The following EPG5 variants were observed in gnomAD, a reference collection of about 807,000 sequenced individuals.
The protein encoded by EPG5 is ectopic P-granules 5 autophagy tethering factor.
EPG5 carries 159 observed loss-of-function variants against 302.7 expected under a neutral mutation model. The observed-to-expected ratio is 0.53, with a 90% CI of 0.46 to 0.60. The LOEUF (loss-of-function observed/expected upper bound fraction) is 0.60. EPG5 is among the 20% of genes least tolerant of loss of function. EPG5 has a pLI of 0.00. For missense variants in EPG5, 2,896 were observed against 3,092.4 expected (o/e 0.94, Z 1.51); for synonymous variants, 1,158 against 1,136.8 (o/e 1.02, Z -0.37).
Position 45,852,319 on chromosome 18 carries a change from A to G in EPG5, c.*148T>C, listed in dbSNP as rs977820753. 3.0e-6 allele frequency: 2 copies of G among 659,122 alleles called. No homozygotes were observed. The highest frequency in any genetic ancestry group is 5.1e-6 in the Non-Finnish European group (2 of 389,330). 40.8% of individuals were successfully genotyped at this position (659,122 alleles called of 1,614,324 possible). A position where few individuals can be genotyped will look rare whatever the true frequency, so the allele number is the denominator to read the frequency against. The stretch of plus-strand genomic sequence containing the variant: ...CACACACACACCCCAAAATTATCTA[A>G]TATCTAACGCCTCCCAACTTGCATC... On this transcript the variant is annotated 3_prime_UTR_variant, in exon 44 of 44. Coordinates refer to ENST00000282041, the MANE Select transcript of EPG5 (RefSeq NM_020964.3).
At chr18:45,882,891 C>T (rs1049668791) in intron 30 of EPG5, among the ~76,000 whole-genome samples, 4 of 151,762 alleles carry the variant, frequency 2.6e-5, no homozygotes, top group Non-Finnish European at 4.4e-5. Context: ...CCTGTAATCC[C>T]GGCTACTCAG....
Position 45,925,889 on chromosome 18 carries a change from A to G in EPG5, c.2567T>C (p.Leu856Ser). 6.9e-7 allele frequency: 1 copy of G among 1,455,532 alleles called. No individual in the cohort carries two copies. Among genetic ancestry groups the G allele is most frequent in the Non-Finnish European group, 9.1e-7 (1 of 1,100,282 alleles). 90.2% of individuals were successfully genotyped at this position (1,455,532 alleles called of 1,614,324 possible). The change falls in exon 14 of 44, where the codon TTG becomes TCG. Residue 856 changes from leucine (L) to serine (S), a missense_variant. By Grantham distance (145) the Leu-to-Ser change is moderately radical. Around this residue, in one of 5 missense-constraint regions of EPG5, gnomAD observed 1,390 missense variants for 1,430.0 expected, o/e 0.97. Coordinates refer to ENST00000282041, the MANE Select transcript of EPG5 (RefSeq NM_020964.3). ...AAGATACAAAGGCAGTTCTTTAAAC[A>G]AGTATAGAGAAACCTTATTAAAAAG... ...IDQVGMVSLYLFKELPLYLWQ... is the reference protein window; with the variant it reads ...IDQVGMVSLYSFKELPLYLWQ...
chr18:45,821,425 A>C, the EPG5 span, among the ~76,000 whole-genome samples: 1 of 152,258 alleles, frequency 6.6e-6, no homozygotes, highest in Non-Finnish European at 1.5e-5. Context: ...ATTTATCACA[A>C]GGTGCCTAAG....
At chr18:45,873,085 A>T (rs1163411501) in intron 35 of EPG5, among the ~76,000 whole-genome samples, 2 of 152,188 alleles carry the variant, frequency 1.3e-5, no homozygotes, top group Admixed American at 1.3e-4. Flanking sequence ...TACCTTGCAA[A>T]GCTCTCCTGT....
At chr18:45,921,963 TAAAAA>T (rs751461636) in intron 16 of EPG5, among the ~76,000 whole-genome samples, 1 of 113,054 alleles carries the variant, frequency 8.8e-6, no homozygotes, top group African/African-American at 3.2e-5. Context: ...AAGTAAAATT[TAAAAA>T]AAAAAAAAAA....
chr18:45,856,213 A>G (rs1020230189), intron 42 of EPG5, among the ~76,000 whole-genome samples: 1 of 152,280 alleles, frequency 6.6e-6, no homozygotes, highest in Non-Finnish European at 1.5e-5. Flanking sequence ...TTCAGCCATA[A>G]AAACAAACGA....
In EPG5 at chr18:45,883,632, T is replaced by G. The variant is rs1364093699; in HGVS notation, c.5304+985A>C. On this transcript the variant is annotated intron_variant, in intron 30 of 43. Coordinates refer to ENST00000282041, the MANE Select transcript of EPG5 (RefSeq NM_020964.3). ...GCCTGGTGTTTTTTTTTTTTTTTTT[T>G]TTTTTTTTTGTACAGACAGGGTTTC... Among the ~76,000 whole-genome samples the G allele has an allele frequency of 1.3e-3, 182 of 137,864 alleles. 3 individuals carry two copies. Among genetic ancestry groups the G allele is most frequent in the African/African-American group, 5.0e-3 (177 of 35,472 alleles). 90.4% of individuals were successfully genotyped at this position (137,864 alleles called of 152,430 possible).
chr18:45,806,692 G>C, the EPG5 span, among the ~76,000 whole-genome samples: 1 of 152,200 alleles, frequency 6.6e-6, no homozygotes, highest in East Asian at 1.9e-4. Flanking sequence ...TACAGGGGCA[G>C]AGGAAGCAAT....
intron 13 of EPG5, 124 bp downstream of exon 13, chr18:45,928,745 A>G (rs2050331205): frequency 1.2e-6 from 1 of 823,324 alleles, no homozygotes; most frequent in Non-Finnish European, 1.8e-6. Flanking sequence ...AGTAAATGTT[A>G]GTTCCTTTTA....
At chr18:45,938,434 C>T (rs1054594838) in intron 10 of EPG5, among the ~76,000 whole-genome samples, 2 of 150,298 alleles carry the variant, frequency 1.3e-5, no homozygotes, top group African/African-American at 4.9e-5. Context: ...TACACTCCAG[C>T]CTGGGCAACA....
chr18:45,802,390 T>G, the EPG5 span, among the ~76,000 whole-genome samples: 1 of 152,144 alleles, frequency 6.6e-6, no homozygotes, highest in Non-Finnish European at 1.5e-5. Context: ...CATGATGGCA[T>G]GCACCTGTTG....
intron 40 of EPG5, among the ~76,000 whole-genome samples, chr18:45,859,185 C>T (rs1477569857): frequency 1.3e-5 from 2 of 152,208 alleles, no homozygotes; most frequent in South Asian, 2.1e-4. Flanking sequence ...TTATGCTTTC[C>T]GACGGGAAAC....
chr18:45,890,137 T>A, intron 27 of EPG5, 197 bp from the exon 28 acceptor site: 1 of 417,780 alleles, frequency 2.4e-6, no homozygotes, highest in Non-Finnish European at 4.2e-6. Context: ...CTATTTCACT[T>A]ATGTTTCAAC....
At chr18:45,841,470 CG>C in the EPG5 span, among the ~76,000 whole-genome samples, 1 of 152,206 alleles carries the variant, frequency 6.6e-6, no homozygotes, top group African/African-American at 2.4e-5. Context: ...TGGTTTTAAG[CG>C]GACGCATGGC....
intron 27 of EPG5, among the ~76,000 whole-genome samples, chr18:45,897,115 C>T (rs75117645): frequency 1.1e-4 from 16 of 152,306 alleles, no homozygotes; most frequent in African/African-American, 3.6e-4. Flanking sequence ...AGACAAGTCA[C>T]AGGTAGGCTT....
At position 45,928,931 on chromosome 18, in the gene EPG5, G is replaced by C; in HGVS notation, c.2491C>G (p.His831Asp). The C allele has an allele frequency of 6.2e-7, 1 of 1,613,630 alleles. No homozygotes were observed. Among genetic ancestry groups the C allele is most frequent in the Non-Finnish European group, 8.5e-7 (1 of 1,179,592 alleles). ...RELLGTITAV[H>D]PEIISVLLDR... Reference sequence around the variant, plus strand: ...AGAAGGACGGAAATTATCTCAGGGTGAACAGCTGTGATAGTCCCTAAAAGC... The same window carrying C: ...AGAAGGACGGAAATTATCTCAGGGTCAACAGCTGTGATAGTCCCTAAAAGC... Residue 831 changes from histidine (H) to aspartate (D), a missense_variant, in exon 13 of 44, where the codon CAC (histidine) becomes GAC (aspartate). By Grantham distance (81) the His-to-Asp change is moderately conservative. Coordinates refer to ENST00000282041, the MANE Select transcript of EPG5 (RefSeq NM_020964.3).
intron 11 of EPG5, among the ~76,000 whole-genome samples, chr18:45,931,127 G>A (rs545506305): frequency 6.6e-5 from 10 of 152,194 alleles, no homozygotes; most frequent in African/African-American, 2.2e-4. Flanking sequence ...CACTGGTGAC[G>A]TGCTTAGTTA....
chr18:45,900,808 A>G (rs2145586330), intron 26 of EPG5, among the ~76,000 whole-genome samples, 188 bp downstream of exon 26: 1 of 152,344 alleles, frequency 6.6e-6, no homozygotes, highest in South Asian at 2.1e-4. Flanking sequence ...TGAGAGTACC[A>G]CATAATTTCG....
intron 13 of EPG5, 21 bp from the exon 14 acceptor site, chr18:45,925,923 A>C: frequency 7.7e-7 from 1 of 1,304,938 alleles, no homozygotes; most frequent in Non-Finnish European, 1.0e-6. Flanking sequence ...AGAAAACAAT[A>C]ATCATTAAAT....
Sources: gnomAD v4.1 joint callset for allele counts (sites outside exome capture counted in the v4.1 genomes callset) on GRCh38, gnomAD v4.1.1 for gene constraint, gnomAD v4.1.1 regional missense constraint, MANE v1.5 for transcripts, NCBI Gene and HGNC (gene_info 2026-07-23, HGNC 2026-07-21) for gene names.